GPHN: variants seen among roughly 807,000 people sequenced by gnomAD.
The protein encoded by GPHN is gephyrin.
In GPHN, 17 loss-of-function variants were observed where a neutral mutation model predicts 95.5. That is an observed-to-expected ratio of 0.18 (90% CI 0.12 to 0.27). The LOEUF is 0.27. Ranked by LOEUF, GPHN falls within the 10% of genes least tolerant of loss-of-function variation. The pLI is 1.00. For synonymous variants in GPHN, 320 were observed against 322.5 expected, an observed-to-expected ratio of 0.99 and a Z score of 0.08; for missense variants, 660 against 978.1, an observed-to-expected ratio of 0.67 and a Z score of 4.34.
At chr14:67,678,544 G>T in the GPHN span, 1 of 630,948 alleles carries the variant, frequency 1.6e-6, no homozygotes, top group Non-Finnish European at 2.8e-6. Flanking sequence ...TACTTCACAG[G>T]GCCAGTGTTT....
In GPHN at chr14:66,922,684, C is replaced by T. The variant is rs2066285230; in HGVS notation, c.475C>T (p.Leu159=). 1 of 1,612,800 alleles carries T rather than the reference C, an allele frequency of 6.2e-7. No homozygotes were observed. Among genetic ancestry groups the T allele is most frequent in the Non-Finnish European group, 8.5e-7 (1 of 1,179,022 alleles). ...CATACAGGAATGCTTTCAATTCATA[C>T]TGCCAGCTCTACCTCATGCCATTGA... ...KGSQECFQFI[L]PALPHAIDLL... is the part of the protein sequence containing the mutation. The change falls in exon 7 of 23, where the codon CTG becomes TTG. Residue 159 remains leucine (L), a synonymous_variant. Coordinates refer to ENST00000478722, the MANE Select transcript of GPHN (RefSeq NM_020806.5).
Position 66,521,859 on chromosome 14 carries a change from G to C in GPHN, c.64+13268G>C, listed in dbSNP as rs116427790. The stretch of plus-strand genomic sequence containing the variant: ...AAGGGAAGTCTTTAAAAGGAGAGGA[G>C]TTTCTGTCACTAAAAGGGGAAAAGT... On this transcript the variant is annotated intron_variant, in intron 1 of 22. Transcript: ENST00000478722. Among the ~76,000 whole-genome samples the C allele has an allele frequency of 3.6e-3, 543 of 152,260 alleles. 9 individuals are homozygous for C. Among genetic ancestry groups the C allele is most frequent in the African/African-American group, 0.012 (517 of 41,536 alleles).
In GPHN at chr14:67,164,539, G is replaced by T. The variant is rs569219320; in HGVS notation, c.1911-623G>T. Among the ~76,000 whole-genome samples the T allele has an allele frequency of 1.9e-3, 288 of 152,066 alleles. 2 individuals are homozygous for T. Among genetic ancestry groups the T allele is most frequent in the African/African-American group, 6.8e-3 (282 of 41,514 alleles). On this transcript the variant is annotated intron_variant, in intron 19 of 22. Transcript: ENST00000478722. ...GATGGAGTCTTGCTCTGTCGCCCAG[G>T]CTGGCGTGCAGTGGCCATCTCAGCT...
intron 8 of GPHN, among the ~76,000 whole-genome samples, chr14:66,948,006 CT>C (rs2067863160): frequency 6.6e-6 from 1 of 152,152 alleles, no homozygotes; most frequent in African/African-American, 2.4e-5. Flanking sequence ...TCACCATATT[CT>C]GTTCCTATAT....
In GPHN at chr14:67,122,361, G is replaced by A. The variant is rs2153692294; in HGVS notation, c.1732G>A (p.Gly578Ser). Residue 578 changes from glycine (G) to serine (S), a missense_variant, in exon 17 of 23, where the codon GGT becomes AGT. Gly to Ser is a moderately conservative substitution (Grantham distance 56, BLOSUM62 0). Transcript: ENST00000478722. ...ACATGGTTACCCCACGATCAACTTG[G>A]GTATTGTAGGAGACAAGTAAGTATT... ...QEHGYPTINL[G>S]IVGDNPDDLL... 6.2e-7 allele frequency: 1 copy of A among 1,612,850 alleles called. No individual in the cohort carries two copies. Among genetic ancestry groups the A allele is most frequent in the Non-Finnish European group, 8.5e-7 (1 of 1,179,018 alleles).
At chr14:67,201,394 G>A in the GPHN span, 1 of 455,130 alleles carries the variant, frequency 2.2e-6, no homozygotes, top group South Asian at 1.6e-5. Flanking sequence ...CCCAGTAGAA[G>A]ACCCCAATTC....
At chr14:67,546,837 T>C in the GPHN span, among the ~76,000 whole-genome samples, 4 of 152,216 alleles carry the variant, frequency 2.6e-5, no homozygotes, top group African/African-American at 9.6e-5. Flanking sequence ...CACTCCAGCC[T>C]GGGTGACACA....
chr14:66,750,554 G>T (rs2058328211), intron 2 of GPHN, among the ~76,000 whole-genome samples: 3 of 151,830 alleles, frequency 2.0e-5, no homozygotes. Flanking sequence ...TGACCTTGGT[G>T]CCCCCTCACT....
chr14:67,491,581 C>T, the GPHN span, among the ~76,000 whole-genome samples: 1 of 152,158 alleles, frequency 6.6e-6, no homozygotes, highest in African/African-American at 2.4e-5. Context: ...GACAGGGACC[C>T]GGGACAAAGA....
At chr14:67,314,266 A>G in the GPHN span, among the ~76,000 whole-genome samples, 4 of 152,222 alleles carry the variant, frequency 2.6e-5, no homozygotes, top group Non-Finnish European at 5.9e-5. Flanking sequence ...GAAGTTGTCC[A>G]AAGATTTTAG....
intron 18 of GPHN, among the ~76,000 whole-genome samples, chr14:67,149,213 G>A (rs534438579): frequency 6.2e-4 from 94 of 151,694 alleles, no homozygotes; most frequent in African/African-American, 2.1e-3. Context: ...GCGTGGTGGC[G>A]GGCGCCTGTA....
intron 8 of GPHN, among the ~76,000 whole-genome samples, chr14:66,962,218 T>A (rs1367658837): frequency 1.3e-5 from 2 of 151,404 alleles, no homozygotes; most frequent in Non-Finnish European, 3.0e-5. Context: ...TTTTCTAGTA[T>A]CTGTGTTGAC....
chr14:67,663,469 C>T, the GPHN span, among the ~76,000 whole-genome samples: 1 of 152,008 alleles, frequency 6.6e-6, no homozygotes, highest in East Asian at 1.9e-4. Flanking sequence ...GTCAGGAGAT[C>T]GAGACCATCC....
the GPHN span, among the ~76,000 whole-genome samples, chr14:67,673,309 A>G: frequency 2.6e-5 from 4 of 152,026 alleles, no homozygotes; most frequent in Non-Finnish European, 4.4e-5. Context: ...GTGCCACTGC[A>G]CTCCAGCCTG....
the GPHN span, among the ~76,000 whole-genome samples, chr14:67,462,874 C>A: frequency 6.6e-6 from 1 of 152,180 alleles, no homozygotes; most frequent in Non-Finnish European, 1.5e-5. Context: ...AGAGGACCCA[C>A]CAATACCATA....
At chr14:66,985,820 G>A (rs1397724207) in intron 9 of GPHN, 1 of 697,034 alleles carries the variant, frequency 1.4e-6, no homozygotes, top group Non-Finnish European at 2.3e-6. Flanking sequence ...TGGGAGGAAG[G>A]GGGCTTTTTC....
chr14:67,085,181 A>G (rs1428210262), intron 11 of GPHN, among the ~76,000 whole-genome samples: 1 of 152,228 alleles, frequency 6.6e-6, no homozygotes, highest in Non-Finnish European at 1.5e-5. Context: ...ATATTATTGC[A>G]AACTACCAGA....
chr14:67,155,781 T>C (rs765228236), intron 18 of GPHN, among the ~76,000 whole-genome samples: 3 of 152,050 alleles, frequency 2.0e-5, no homozygotes, highest in Non-Finnish European at 4.4e-5. Context: ...CTAGGAGCTC[T>C]ACTAATCTCG....
chr14:66,678,573 T>G (rs570886199), intron 1 of GPHN, among the ~76,000 whole-genome samples: 1 of 152,192 alleles, frequency 6.6e-6, no homozygotes, highest in African/African-American at 2.4e-5. Context: ...GTTAAGGTAT[T>G]TCATAGATTT....
Sources: allele counts gnomAD v4.1 joint callset (sites outside exome capture counted in the v4.1 genomes callset), GRCh38; gene constraint gnomAD v4.1.1; transcripts MANE v1.5; gene names NCBI Gene and HGNC (gene_info 2026-07-23, HGNC 2026-07-21).